Variants in ZFP14 observed in about 807,000 individuals in gnomAD.
ZFP14 encodes zinc finger protein 14 homolog.
ZFP14 carries 22 observed loss-of-function variants against 54.5 expected under a neutral mutation model. That is an observed-to-expected ratio of 0.40 (90% CI 0.29 to 0.58). The LOEUF is 0.58. Among genes scored for constraint, ZFP14 ranks in the 20% least tolerant of loss-of-function variants. The pLI, the probability that ZFP14 is intolerant of heterozygous loss-of-function variation, is 0.39. For missense variants in ZFP14, 470 were observed against 637.8 expected (o/e 0.74, Z 2.83); for synonymous variants, 159 against 204.0 (o/e 0.78, Z 1.88).
chr19:36,375,564 T>C (rs2031947275), intron 1 of ZFP14, among the ~76,000 whole-genome samples: 1 of 107,286 alleles, frequency 9.3e-6, no homozygotes, highest in African/African-American at 3.7e-5. Flanking sequence ...ATTTTTGTAT[T>C]TTCTTTTTTT....
At chr19:36,373,336 A>G (rs546776843) in intron 1 of ZFP14, among the ~76,000 whole-genome samples, 7 of 151,686 alleles carry the variant, frequency 4.6e-5, no homozygotes, top group Admixed American at 1.3e-4. Flanking sequence ...ACTTAATCTC[A>G]TAGAAGTAGA....
intron 1 of ZFP14, among the ~76,000 whole-genome samples, chr19:36,372,969 T>C (rs1047752338): frequency 6.6e-6 from 1 of 152,174 alleles, no homozygotes; most frequent in Non-Finnish European, 1.5e-5. Flanking sequence ...ATCTCATTCA[T>C]AAGTGGAATC....
Position 36,340,542 on chromosome 19 carries a change from C to A in ZFP14, c.1284G>T (p.Glu428Asp). 6.2e-7 allele frequency: 1 copy of A among 1,613,978 alleles called. No individual in the cohort carries two copies. Reference protein sequence around the residue: ...HIGERPYECEECGKAFRLLSQ... With the variant: ...HIGERPYECEDCGKAFRLLSQ... Reference sequence around the variant, plus strand: ...AGAGCAGTCTAAAGGCCTTTCCACACTCTTCACATTCATAGGGTCTCTCAC... The same window carrying A: ...AGAGCAGTCTAAAGGCCTTTCCACAATCTTCACATTCATAGGGTCTCTCAC... Residue 428 changes from glutamate to aspartate, a missense_variant, in exon 5 of 5, where the codon GAG (glutamate) becomes GAT (aspartate). By Grantham distance (45) the Glu-to-Asp change is conservative (BLOSUM62 2). Coordinates refer to ENST00000270001, the MANE Select transcript of ZFP14 (RefSeq NM_020917.3). This position sits in a 1 kb window ranked among gnomAD's most constrained non-coding sequence, Gnocchi z 5.4.
intron 4 of ZFP14, among the ~76,000 whole-genome samples, chr19:36,359,023 C>T (rs2031666655): frequency 6.6e-6 from 1 of 152,138 alleles, no homozygotes; most frequent in African/African-American, 2.4e-5. Flanking sequence ...AGCAGAGTCC[C>T]CACCAGCAAG....
In ZFP14 at chr19:36,338,745, C is replaced by T. The variant is rs1292551087; in HGVS notation, c.*1479G>A. 2 of 152,156 alleles carry T rather than the reference C, an allele frequency of 1.3e-5. No homozygotes were observed. The highest frequency in any genetic ancestry group is 1.3e-4 in the Admixed American group (2 of 15,272). 9.4% of individuals were successfully genotyped at this position (152,156 alleles called of 1,614,324 possible). A position where few individuals can be genotyped will look rare whatever the true frequency, so the allele number is the denominator to read the frequency against. On this transcript the variant is annotated 3_prime_UTR_variant, in exon 5 of 5. Transcript: ENST00000270001. ...TGGTGGGATCACATCAAAAACTCAA[C>T]TTGAAACAACTCCTACTGGTTGAAG...
At position 36,337,378 on chromosome 19, in the gene ZFP14, C is replaced by T. The variant is rs985957183; in HGVS notation, c.*2846G>A. The T allele has an allele frequency of 1.3e-5, 2 of 149,596 alleles. No individual in the cohort carries two copies. The highest frequency in any genetic ancestry group is 4.9e-5 in the African/African-American group (2 of 40,572). The allele number at this position is 149,596 out of a possible 1,614,324, so 9.3% of individuals were successfully genotyped here. A position where few individuals can be genotyped will look rare whatever the true frequency, so the allele number is the denominator to read the frequency against. ...AGCCCTCCATATGTGCAGATTCAAC[C>T]AATCTCAAATAGAAAATACTCAAAA... On this transcript the variant is annotated 3_prime_UTR_variant, in exon 5 of 5. Coordinates refer to ENST00000270001, the MANE Select transcript of ZFP14 (RefSeq NM_020917.3).
Position 36,337,662 on chromosome 19 carries a change from G to A in ZFP14, c.*2562C>T, listed in dbSNP as rs1182521945. On this transcript the variant is annotated 3_prime_UTR_variant, in exon 5 of 5. Transcript: ENST00000270001. ...GGATACCAAGGGATGACCATATACT[G>A]TTCATCTAGTCCCTGTCTGCTTTCA... The A allele has an allele frequency of 1.3e-5, 2 of 152,144 alleles. No individual in the cohort carries two copies. Among genetic ancestry groups the A allele is most frequent in the East Asian group, 3.9e-4 (2 of 5,184 alleles). The allele number at this position is 152,144 out of a possible 1,614,324, so 9.4% of individuals were successfully genotyped here.
rs1264977005 is a variant in ZFP14 at position 36,374,259 on chromosome 19, G to A, written c.-80+4904C>T. Among the ~76,000 whole-genome samples the A allele has an allele frequency of 2.0e-5, 3 of 152,106 alleles. No individual in the cohort carries two copies. The East Asian group carries it at 5.8e-4, about 30-fold the overall frequency. ...TAATCCCAGCACTTTGGGAGGCCAA[G>A]ACAGGCGGATCACCTGAGGTCAGGA... On this transcript the variant is annotated intron_variant, in intron 1 of 4. Coordinates refer to ENST00000270001, the MANE Select transcript of ZFP14 (RefSeq NM_020917.3).
chr19:36,365,536 G>C (rs911816119), intron 2 of ZFP14, among the ~76,000 whole-genome samples: 2 of 152,050 alleles, frequency 1.3e-5, no homozygotes, highest in Non-Finnish European at 2.9e-5. Context: ...GCAGCACCAG[G>C]TACACACATG....
chr19:36,377,039 C>T (rs1440758722), intron 1 of ZFP14, among the ~76,000 whole-genome samples: 2 of 152,198 alleles, frequency 1.3e-5, no homozygotes, highest in Non-Finnish European at 2.9e-5. Context: ...CAAATTTCTA[C>T]TGTCTTCCCT....
chr19:36,337,088 A>G lies in ZFP14; in HGVS notation c.*3136T>C, dbSNP rs2031217077. 6.6e-6 allele frequency: 1 copy of G among 152,224 alleles called. No homozygotes were observed. Among genetic ancestry groups the G allele is most frequent in the South Asian group, 2.1e-4 (1 of 4,826 alleles). The allele number at this position is 152,224 out of a possible 1,614,324, so 9.4% of individuals were successfully genotyped here. ...CCTAACCAAATTAATATATGTAAAT[A>G]TCATTTAATATTTAGTCCATGTCCA... On this transcript the variant is annotated 3_prime_UTR_variant, in exon 5 of 5. Coordinates refer to ENST00000270001, the MANE Select transcript of ZFP14 (RefSeq NM_020917.3).
At chr19:36,369,405 T>C (rs1341382137) in intron 1 of ZFP14, among the ~76,000 whole-genome samples, 1 of 151,854 alleles carries the variant, frequency 6.6e-6, no homozygotes, top group African/African-American at 2.4e-5. Context: ...CTTTTTTTGG[T>C]TTTGTTTTTT....
chr19:36,341,511 T>C lies in ZFP14; in HGVS notation c.315A>G (p.Ile105Met), dbSNP rs1224211837. 3 of 1,612,436 alleles carry C rather than the reference T, an allele frequency of 1.9e-6. No individual in the cohort carries two copies. Among genetic ancestry groups the C allele is most frequent in the Non-Finnish European group, 1.7e-6 (2 of 1,179,632 alleles). ...GGCTATAGCTTTTAATTCTTTCCAT[T>C]ATATCCCACTGAAATGAATATATTT... ...IYEIYSFQWD[I>M]MERIKSYSLQ... The change falls in exon 5 of 5, where the codon ATA becomes ATG. Residue 105 changes from isoleucine (I) to methionine (M), a missense_variant. Physicochemically the swap from Ile to Met is conservative, Grantham distance 10 (BLOSUM62 1). Coordinates refer to ENST00000270001, the MANE Select transcript of ZFP14 (RefSeq NM_020917.3). The surrounding 1 kb of genome is among the most constrained non-coding windows in gnomAD (Gnocchi z 4.2).
In ZFP14 at chr19:36,363,255, G is replaced by A. The variant is rs183154319; in HGVS notation, c.10-1017C>T. Among the ~76,000 whole-genome samples, 447 of 145,950 alleles carry A rather than the reference G, an allele frequency of 3.1e-3. 1 individual carries two copies. Among genetic ancestry groups the A allele is most frequent in the African/African-American group, 0.01 (414 of 39,470 alleles). On this transcript the variant is annotated intron_variant, in intron 2 of 4. Coordinates refer to ENST00000270001, the MANE Select transcript of ZFP14 (RefSeq NM_020917.3). Reference sequence around the variant, plus strand: ...GTCGCCCAGGCTGGAGTGCGGTGGCGTGATCTCGGCTCATTGCAAGCTCCG... The same window carrying A: ...GTCGCCCAGGCTGGAGTGCGGTGGCATGATCTCGGCTCATTGCAAGCTCCG...
chr19:36,368,906 C>T (rs1231590999), intron 1 of ZFP14, among the ~76,000 whole-genome samples: 3 of 152,084 alleles, frequency 2.0e-5, no homozygotes, highest in South Asian at 2.1e-4. Context: ...TGCAATGGCA[C>T]GATCTCAGCT....
At chr19:36,376,233 G>A (rs2031960309) in intron 1 of ZFP14, among the ~76,000 whole-genome samples, 1 of 152,058 alleles carries the variant, frequency 6.6e-6, no homozygotes, top group Non-Finnish European at 1.5e-5. Context: ...TAATAAAGAT[G>A]AAGAATACTA....
At chr19:36,375,761 G>C (rs971750154) in intron 1 of ZFP14, among the ~76,000 whole-genome samples, 5 of 152,002 alleles carry the variant, frequency 3.3e-5, no homozygotes, top group African/African-American at 1.2e-4. Context: ...GTTTCACCGT[G>C]TTAGCCAGGA....
At chr19:36,365,890 G>T (rs2031786234) in intron 2 of ZFP14, among the ~76,000 whole-genome samples, 1 of 151,804 alleles carries the variant, frequency 6.6e-6, no homozygotes, top group African/African-American at 2.4e-5. Context: ...AGCCTGGGAG[G>T]TCGGGGCTGC....
Position 36,335,540 on chromosome 19 carries a change from A to G in ZFP14, c.*4684T>C, listed in dbSNP as rs905707183. On this transcript the variant is annotated 3_prime_UTR_variant, in exon 5 of 5. Coordinates refer to ENST00000270001, the MANE Select transcript of ZFP14 (RefSeq NM_020917.3). ...GGATTATCTATTCCTTAAAGTTTTT[A>G]TAAGTATCAGATTTTTTAAACAGGG... 6.6e-6 allele frequency: 1 copy of G among 151,908 alleles called. No individual in the cohort carries two copies. The allele number at this position is 151,908 out of a possible 1,614,324, so 9.4% of individuals were successfully genotyped here.
Sources: allele counts gnomAD v4.1 joint callset (sites outside exome capture counted in the v4.1 genomes callset), GRCh38; gene constraint gnomAD v4.1.1; non-coding constraint Gnocchi (gnomAD v3.1); transcripts MANE v1.5; gene names NCBI Gene and HGNC (gene_info 2026-07-23, HGNC 2026-07-21).